IRF2: variants seen among roughly 807,000 people sequenced by gnomAD.
IRF2 encodes interferon regulatory factor 2.
Under a neutral mutation model 40.6 loss-of-function variants are expected in IRF2, and 15 were observed. The observed-to-expected ratio is 0.37, with a 90% CI of 0.25 to 0.57. The LOEUF is 0.57. IRF2 is among the 20% of genes least tolerant of loss of function. The pLI is 0.77. For synonymous variants in IRF2, 151 were observed against 165.5 expected, an observed-to-expected ratio of 0.91 and a Z score of 0.67; for missense variants, 317 against 455.7, an observed-to-expected ratio of 0.70 and a Z score of 2.77.
chr4:184,416,527 G>T (rs1026982143), intron 5 of IRF2, among the ~76,000 whole-genome samples: 2 of 152,072 alleles, frequency 1.3e-5, no homozygotes, highest in Admixed American at 6.5e-5. Context: ...CTACACGAAT[G>T]TTATAACATG....
intron 3 of IRF2, among the ~76,000 whole-genome samples, chr4:184,419,148 ACC>A (rs1737388148): frequency 6.6e-6 from 1 of 152,250 alleles, no homozygotes; most frequent in African/African-American, 2.4e-5. Flanking sequence ...ATTTCTGACT[ACC>A]TTTTTGGGGG....
chr4:184,425,976 GTTTTTGTTTGTT>G, intron 2 of IRF2, among the ~76,000 whole-genome samples: 1 of 67,104 alleles, frequency 1.5e-5, no homozygotes, highest in African/African-American at 7.2e-5. Context: ...GCTCACTCCG[GTTTTTGTTTGTT>G]TGTTTGTTTG....
At chr4:184,401,106 G>A (rs907489686) in intron 6 of IRF2, among the ~76,000 whole-genome samples, 1 of 152,246 alleles carries the variant, frequency 6.6e-6, no homozygotes, top group African/African-American at 2.4e-5. Context: ...GCTCTATGTT[G>A]CAGTCATTTT....
intron 1 of IRF2, among the ~76,000 whole-genome samples, chr4:184,454,332 T>C (rs576192606): frequency 6.6e-5 from 10 of 152,334 alleles, no homozygotes; most frequent in African/African-American, 2.4e-4. Context: ...TATGTTCAAA[T>C]CTGGTCAAGC....
At chr4:184,392,257 C>T (rs1736285433) in intron 7 of IRF2, among the ~76,000 whole-genome samples, 1 of 152,240 alleles carries the variant, frequency 6.6e-6, no homozygotes, top group South Asian at 2.1e-4. Flanking sequence ...GCAATAGCTT[C>T]TCTTCCTGAT....
intron 7 of IRF2, among the ~76,000 whole-genome samples, chr4:184,395,653 C>G (rs1191108913): frequency 6.6e-6 from 1 of 152,182 alleles, no homozygotes; most frequent in East Asian, 1.9e-4. Context: ...CCACTGTGAG[C>G]TCTAGAACAT....
At chr4:184,391,159 T>A (rs967455327) in intron 7 of IRF2, among the ~76,000 whole-genome samples, 1 of 152,224 alleles carries the variant, frequency 6.6e-6, no homozygotes, top group African/African-American at 2.4e-5. Flanking sequence ...CCCATCCCAC[T>A]CAGATCCTTC....
Position 184,468,691 on chromosome 4 carries a change from G to C in IRF2, c.-7+5688C>G, listed in dbSNP as rs114380490. ...GCCCTGGGAAGAGATCCTCGATTCA[G>C]TGGCTTTCCATTTCTACTCTGGCCA... On this transcript the variant is annotated intron_variant, in intron 1 of 8. Transcript: ENST00000393593. Among the ~76,000 whole-genome samples the C allele has an allele frequency of 2.5e-3, 384 of 152,310 alleles. 1 individual carries two copies. The highest frequency in any genetic ancestry group is 5.8e-3 in the Admixed American group (89 of 15,304).
At chr4:184,438,468 A>G (rs1738168814) in intron 1 of IRF2, among the ~76,000 whole-genome samples, 2 of 152,236 alleles carry the variant, frequency 1.3e-5, no homozygotes, top group African/African-American at 2.4e-5. Flanking sequence ...GTTTGCTTCC[A>G]TTTAATGTCA....
intron 1 of IRF2, among the ~76,000 whole-genome samples, chr4:184,444,735 G>T (rs988864188): frequency 6.6e-6 from 1 of 152,196 alleles, no homozygotes; most frequent in Non-Finnish European, 1.5e-5. Context: ...GAAGAGGTGG[G>T]ATGTTACATT....
intron 6 of IRF2, among the ~76,000 whole-genome samples, 188 bp from the exon 7 acceptor site, chr4:184,399,267 G>A (rs1393363889): frequency 2.6e-5 from 4 of 152,190 alleles, no homozygotes; most frequent in East Asian, 1.9e-4. Context: ...GGGAGCAGCC[G>A]GCCAGCACTT....
At chr4:184,425,471 G>A (rs1410306839) in intron 2 of IRF2, among the ~76,000 whole-genome samples, 1 of 152,284 alleles carries the variant, frequency 6.6e-6, no homozygotes, top group Non-Finnish European at 1.5e-5. Context: ...TCAGCAGGAT[G>A]CAGCTTGACA....
intron 1 of IRF2, among the ~76,000 whole-genome samples, chr4:184,464,641 C>A (rs1041826813): frequency 1.3e-5 from 2 of 152,104 alleles, no homozygotes; most frequent in Non-Finnish European, 2.9e-5. Context: ...CTAATCTCCT[C>A]AAGAGGACCA....
At position 184,419,567 on chromosome 4, in the gene IRF2, T is replaced by G; in HGVS notation, c.89A>C (p.Glu30Ala). The change falls in exon 3 of 9, where the codon GAA becomes GCA. Residue 30 changes from glutamate (E) to alanine (A), a missense_variant and splice_region_variant. By Grantham distance (107) the Glu-to-Ala change is moderately radical. Transcript: ENST00000393593. ...TIPGLKWLNK[E>A]KKIFQIPWMH... ...CCAGGGGATCTGAAAAATCTTCTTTTCCTGAAAAAAAAAAAAAAAAAAAAG... is the reference window on the plus strand; with the variant it reads ...CCAGGGGATCTGAAAAATCTTCTTTGCCTGAAAAAAAAAAAAAAAAAAAAG... The G allele has an allele frequency of 1.7e-6, 2 of 1,194,502 alleles. No homozygotes were observed. The highest frequency in any genetic ancestry group is 2.4e-6 in the Non-Finnish European group (2 of 845,398). 74.0% of individuals were successfully genotyped at this position (1,194,502 alleles called of 1,614,324 possible). A position where few individuals can be genotyped will look rare whatever the true frequency, so the allele number is the denominator to read the frequency against.
chr4:184,457,849 CA>C (rs11450693), intron 1 of IRF2, among the ~76,000 whole-genome samples: 2,285 of 148,270 alleles, frequency 0.015, 68 homozygotes, highest in African/African-American at 0.053. Context: ...AAAAACCTTC[CA>C]AAAAAAAAAG....
chr4:184,444,305 C>T (rs1738423265), intron 1 of IRF2, among the ~76,000 whole-genome samples: 1 of 152,140 alleles, frequency 6.6e-6, no homozygotes, highest in Admixed American at 6.5e-5. Context: ...TGCTGGTCAC[C>T]ATCTCCACAA....
Position 184,427,012 on chromosome 4 carries a change from C to T in IRF2, c.87+1966G>A, listed in dbSNP as rs115223084. Reference sequence around the variant, plus strand: ...CTTGCTTAGAAGGGTGCCTGGCACACAGTAAGTGCTGAGTACAAGTCAGCT... The same window carrying T: ...CTTGCTTAGAAGGGTGCCTGGCACATAGTAAGTGCTGAGTACAAGTCAGCT... On this transcript the variant is annotated intron_variant, in intron 2 of 8. Transcript: ENST00000393593. 1.0e-3 allele frequency among the ~76,000 whole-genome samples: 159 copies of T among 152,356 alleles called. 1 individual carries two copies. The highest frequency in any genetic ancestry group is 3.8e-3 in the African/African-American group (157 of 41,580).
At position 184,388,745 on chromosome 4, in the gene IRF2, G is replaced by C. The variant is rs550158646; in HGVS notation, c.*13C>G. On this transcript the variant is annotated 3_prime_UTR_variant, in exon 9 of 9. Transcript: ENST00000393593. The surrounding 1 kb of genome is among the most constrained non-coding windows in gnomAD (Gnocchi z 4.6). The stretch of plus-strand genomic sequence containing the variant: ...CCAAGAAGCCCCAACAACCACCGCG[G>C]AGAGTCAGAGGCTTAACAGCTCTTG... 3.9e-5 allele frequency: 62 copies of C among 1,588,546 alleles called. No individual in the cohort carries two copies. In the South Asian group the frequency reaches 6.9e-4, roughly 18 times the overall value.
chr4:184,419,734 C>T (rs1400811915), intron 2 of IRF2, among the ~76,000 whole-genome samples, 166 bp from the exon 3 acceptor site: 2 of 152,216 alleles, frequency 1.3e-5, no homozygotes, highest in East Asian at 1.9e-4. Context: ...ACTTCCCCCG[C>T]TGGATCCCAA....
Sources: gnomAD v4.1 joint callset for allele counts (sites outside exome capture counted in the v4.1 genomes callset) on GRCh38, gnomAD v4.1.1 for gene constraint, Gnocchi (gnomAD v3.1) non-coding constraint, MANE v1.5 for transcripts, NCBI Gene and HGNC (gene_info 2026-07-23, HGNC 2026-07-21) for gene names.